CNTN5: variants seen among roughly 807,000 people sequenced by gnomAD.
CNTN5 encodes contactin 5.
In CNTN5, 77 loss-of-function variants were observed where a neutral mutation model predicts 129.1. The observed-to-expected ratio is 0.60, with a 90% CI of 0.50 to 0.72. The LOEUF (loss-of-function observed/expected upper bound fraction) is 0.72, where lower values mean the gene tolerates loss of function less well. Ranked by LOEUF, CNTN5 falls within the 30% of genes least tolerant of loss-of-function variation. CNTN5 has a pLI of 0.00. For synonymous variants in CNTN5, 509 were observed against 465.6 expected, an observed-to-expected ratio of 1.09 and a Z score of -1.20; for missense variants, 1,478 against 1,328.8, an observed-to-expected ratio of 1.11 and a Z score of -1.75.
At chr11:100,055,128 A>G (rs1447808252) in intron 9 of CNTN5, among the ~76,000 whole-genome samples, 2 of 150,204 alleles carry the variant, frequency 1.3e-5, no homozygotes, top group East Asian at 3.9e-4. Flanking sequence ...TTTGCTATAT[A>G]CCTCATTTGT....
At chr11:99,556,788 A>G (rs553487437) in intron 3 of CNTN5, among the ~76,000 whole-genome samples, 4 of 150,684 alleles carry the variant, frequency 2.7e-5, no homozygotes, top group South Asian at 4.2e-4. Flanking sequence ...AACACAATGT[A>G]TTTTTTCAGA....
intron 3 of CNTN5, among the ~76,000 whole-genome samples, chr11:99,665,753 C>T (rs1952767553): frequency 1.3e-5 from 2 of 151,952 alleles, no homozygotes; most frequent in African/African-American, 2.4e-5. Context: ...TCCCAGAGTG[C>T]TGAGATTACA....
intron 9 of CNTN5, among the ~76,000 whole-genome samples, chr11:100,008,463 A>T (rs1940325287): frequency 6.6e-6 from 1 of 152,126 alleles, no homozygotes; most frequent in Non-Finnish European, 1.5e-5. Context: ...AGTAGACTAA[A>T]GTACCTCAAA....
rs139768935 is a variant in CNTN5, at chr11:99,552,718, T to G, written c.-70-3427T>G. On this transcript the variant is annotated intron_variant, in intron 2 of 24. Transcript: ENST00000524871. ...TAGTCTAAAAAGTTAGAAGATGAAA[T>G]TAAAAAGTTAGACAGGGACCGGATT... 6.5e-3 allele frequency among the ~76,000 whole-genome samples: 985 copies of G among 152,056 alleles called. 12 individuals are homozygous for G. Among genetic ancestry groups the G allele is most frequent in the African/African-American group, 0.022 (925 of 41,474 alleles).
At chr11:99,662,876 T>C (rs1952647809) in intron 3 of CNTN5, among the ~76,000 whole-genome samples, 1 of 152,204 alleles carries the variant, frequency 6.6e-6, no homozygotes, top group Non-Finnish European at 1.5e-5. Flanking sequence ...ATGTACATTA[T>C]AATTTGAGAA....
In CNTN5 at chr11:99,252,885, A is replaced by G. The variant is rs556200074; in HGVS notation, c.-209-72461A>G. 7.8e-4 allele frequency among the ~76,000 whole-genome samples: 118 copies of G among 151,606 alleles called. 1 individual carries two copies. The highest frequency in any genetic ancestry group is 8.4e-4 in the Non-Finnish European group (57 of 67,890). ...ATATTTTAATATTCATCTTTTCTTT[A>G]TGGTTTGTACATTTTGTGTCTTCTT... is the stretch of plus-strand genomic sequence containing the variant. On this transcript the variant is annotated intron_variant, in intron 1 of 24. Coordinates refer to ENST00000524871, the MANE Select transcript of CNTN5 (RefSeq NM_014361.4).
chr11:99,933,431 C>T (rs913338855), intron 7 of CNTN5, among the ~76,000 whole-genome samples: 3 of 152,158 alleles, frequency 2.0e-5, no homozygotes, highest in Admixed American at 1.3e-4. Flanking sequence ...CATGTAACCA[C>T]TACCATAATC....
chr11:99,910,411 T>C (rs1274228285), intron 6 of CNTN5, among the ~76,000 whole-genome samples: 1 of 152,120 alleles, frequency 6.6e-6, no homozygotes, highest in Non-Finnish European at 1.5e-5. Context: ...GACTATGTAT[T>C]AGAGAATGCT....
intron 1 of CNTN5, among the ~76,000 whole-genome samples, chr11:99,320,223 C>A (rs1432044883): frequency 6.6e-6 from 1 of 152,162 alleles, no homozygotes; most frequent in African/African-American, 2.4e-5. Context: ...GCCTGGGCAA[C>A]AGAGCAAGAC....
chr11:100,048,993 T>C (rs1337606247), intron 9 of CNTN5, among the ~76,000 whole-genome samples: 2 of 152,138 alleles, frequency 1.3e-5, no homozygotes, highest in Non-Finnish European at 2.9e-5. Flanking sequence ...TAAATACATT[T>C]ATTCTTTTAA....
At chr11:99,273,156 C>T (rs756666363) in intron 1 of CNTN5, among the ~76,000 whole-genome samples, 2 of 151,584 alleles carry the variant, frequency 1.3e-5, no homozygotes, top group East Asian at 3.9e-4. Context: ...ATGAGGCGAG[C>T]GGTCTAAATG....
chr11:99,382,916 G>C (rs1016249669), intron 2 of CNTN5, among the ~76,000 whole-genome samples: 2 of 131,828 alleles, frequency 1.5e-5, no homozygotes, highest in African/African-American at 5.8e-5. Flanking sequence ...GAGTGCAGTA[G>C]CCTGATCTCG....
At chr11:99,964,113 A>T (rs1046113747) in intron 8 of CNTN5, among the ~76,000 whole-genome samples, 4 of 152,156 alleles carry the variant, frequency 2.6e-5, no homozygotes, top group Non-Finnish European at 1.5e-5. Flanking sequence ...AACAGGGACA[A>T]TTTGACAATT....
intron 21 of CNTN5, chr11:100,308,802 T>G: frequency 1.0e-6 from 1 of 990,066 alleles, no homozygotes; most frequent in Non-Finnish European, 1.2e-6. Context: ...TTTCTAATAA[T>G]TTAATGTATA....
intron 6 of CNTN5, among the ~76,000 whole-genome samples, chr11:99,859,492 C>A (rs78162629): frequency 6.6e-6 from 1 of 152,148 alleles, no homozygotes; most frequent in Non-Finnish European, 1.5e-5. Flanking sequence ...TAGTTAGTTT[C>A]TCAGCCTTCC....
At chr11:99,341,675 C>G (rs888965380) in intron 2 of CNTN5, among the ~76,000 whole-genome samples, 2 of 151,900 alleles carry the variant, frequency 1.3e-5, no homozygotes, top group African/African-American at 2.4e-5. Context: ...TATCTACAAA[C>G]AACAAAAAGA....
intron 1 of CNTN5, among the ~76,000 whole-genome samples, chr11:99,212,658 A>G (rs1859866864): frequency 6.6e-6 from 1 of 152,058 alleles, no homozygotes; most frequent in South Asian, 2.1e-4. Flanking sequence ...TCTTTTCTAT[A>G]TAATTTTAAA....
chr11:100,257,617 C>A (rs891370125), intron 17 of CNTN5, among the ~76,000 whole-genome samples: 1 of 152,196 alleles, frequency 6.6e-6, no homozygotes, highest in African/African-American at 2.4e-5. Flanking sequence ...TGCTGTCCTG[C>A]ACCCTCTGCT....
At chr11:99,474,003 A>G (rs1017189150) in intron 2 of CNTN5, among the ~76,000 whole-genome samples, 4 of 152,080 alleles carry the variant, frequency 2.6e-5, no homozygotes, top group African/African-American at 9.7e-5. Flanking sequence ...ATGGCTTTAA[A>G]AAACTACTAA....
Sources: gnomAD v4.1 joint callset for allele counts (sites outside exome capture counted in the v4.1 genomes callset) on GRCh38, gnomAD v4.1.1 for gene constraint, MANE v1.5 for transcripts, NCBI Gene and HGNC (gene_info 2026-07-23, HGNC 2026-07-21) for gene names.